The following ATXN1 variants were observed in gnomAD, a reference collection of about 807,000 sequenced individuals.
ATXN1 encodes the protein ataxin-1.
A neutral mutation model predicts 56.4 loss-of-function variants in ATXN1; 8 were observed. The observed-to-expected ratio is 0.14, with a 90% CI of 0.08 to 0.26. The LOEUF is 0.26. ATXN1 is among the 10% of genes least tolerant of loss of function. ATXN1 has a pLI of 1.00. For missense variants in ATXN1, 987 were observed against 1,106.5 expected (o/e 0.89, Z 1.53); for synonymous variants, 514 against 494.6 (o/e 1.04, Z -0.52).
intron 1 of ATXN1, among the ~76,000 whole-genome samples, chr6:16,756,625 C>T (rs1478193254): frequency 6.6e-6 from 1 of 152,164 alleles, no homozygotes; most frequent in Admixed American, 6.5e-5. Context: ...TATTGAATTA[C>T]TCTGAAAATA....
In ATXN1 at chr6:16,347,244, C is replaced by T. The variant is rs190205138; in HGVS notation, c.-160-18774G>A. On this transcript the variant is annotated intron_variant, in intron 6 of 7. Coordinates refer to ENST00000436367, the MANE Select transcript of ATXN1 (RefSeq NM_001128164.2). ...AGTGCGGGCGCACGGCACTGGCAGG[C>T]AGCTCCACCTACTGCCTCTGTGAAG... Among the ~76,000 whole-genome samples the T allele has an allele frequency of 1.3e-3, 203 of 152,284 alleles. 1 individual carries two copies. The highest frequency in any genetic ancestry group is 4.7e-3 in the African/African-American group (195 of 41,566).
intron 4 of ATXN1, among the ~76,000 whole-genome samples, chr6:16,562,013 A>T (rs576171998): frequency 2.6e-5 from 4 of 152,348 alleles, no homozygotes; most frequent in Admixed American, 2.0e-4. Context: ...AAAAGAAGGA[A>T]GACATAAAGA....
chr6:16,534,322 C>T lies in ATXN1; in HGVS notation c.-360-11634G>A, dbSNP rs138537524. On this transcript the variant is annotated intron_variant, in intron 4 of 7. Transcript: ENST00000436367. The stretch of plus-strand genomic sequence containing the variant: ...TCAGGGGCACACATCTCTACTGTAA[C>T]CATTTTTTGACAGTTTTGTTAGAGA... Among the ~76,000 whole-genome samples, 466 of 151,766 alleles carry T rather than the reference C, an allele frequency of 3.1e-3. 1 individual carries two copies. The highest frequency in any genetic ancestry group is 0.011 in the African/African-American group (454 of 41,338).
intron 6 of ATXN1, among the ~76,000 whole-genome samples, chr6:16,458,101 T>A (rs1759915956): frequency 6.6e-6 from 1 of 152,230 alleles, no homozygotes; most frequent in Non-Finnish European, 1.5e-5. Flanking sequence ...CAGCTTTAGC[T>A]GCAGCCCGAG....
At chr6:16,458,434 A>G (rs1759923976) in intron 6 of ATXN1, among the ~76,000 whole-genome samples, 1 of 152,200 alleles carries the variant, frequency 6.6e-6, no homozygotes, top group African/African-American at 2.4e-5. Context: ...TCGAGGGTCA[A>G]TTGATCCTAA....
chr6:16,535,591 A>G (rs1338064519), intron 4 of ATXN1, among the ~76,000 whole-genome samples: 1 of 152,252 alleles, frequency 6.6e-6, no homozygotes, highest in African/African-American at 2.4e-5. Context: ...TAAAAGAGGA[A>G]GAAAACACGC....
chr6:16,504,993 C>CTTTTTTTTTTTT (rs34197922), intron 5 of ATXN1, among the ~76,000 whole-genome samples: 1 of 135,318 alleles, frequency 7.4e-6, no homozygotes, highest in African/African-American at 2.9e-5. Context: ...CTCCTGTTTC[C>CTTTTTTTTTTTT]TTTTTTTTTT....
chr6:16,402,610 G>C (rs1235866620), intron 6 of ATXN1, among the ~76,000 whole-genome samples: 2 of 152,164 alleles, frequency 1.3e-5, no homozygotes, highest in Admixed American at 1.3e-4. Flanking sequence ...GCAAGGCTTA[G>C]CTGGAACAAA....
At chr6:16,361,397 A>C (rs1761805948) in intron 6 of ATXN1, among the ~76,000 whole-genome samples, 1 of 152,242 alleles carries the variant, frequency 6.6e-6, no homozygotes, top group African/African-American at 2.4e-5. Flanking sequence ...TACAGCATTC[A>C]GATCTCTTTA....
rs1047180606 is a variant in ATXN1, at chr6:16,657,804, C to T, written c.-517G>A. 6 of 152,114 alleles carry T rather than the reference C, an allele frequency of 3.9e-5. No individual in the cohort carries two copies. The highest frequency in any genetic ancestry group is 1.4e-4 in the African/African-American group (6 of 41,416). 9.4% of individuals were successfully genotyped at this position (152,114 alleles called of 1,614,324 possible). A position where few individuals can be genotyped will look rare whatever the true frequency, so the allele number is the denominator to read the frequency against. ...AAACCATTTGTGTTTCAAGACCATC[C>T]GTGCAGGCTGAAATCCACTCTTTCT... On this transcript the variant is annotated 5_prime_UTR_variant, in exon 3 of 8. Transcript: ENST00000436367.
intron 6 of ATXN1, among the ~76,000 whole-genome samples, chr6:16,397,275 T>G (rs1758476944): frequency 6.7e-6 from 1 of 149,226 alleles, no homozygotes; most frequent in Non-Finnish European, 1.5e-5. Flanking sequence ...TGTTTTTTTG[T>G]TTTTTGTTTT....
At chr6:16,546,390 A>G in intron 4 of ATXN1, among the ~76,000 whole-genome samples, 1 of 152,208 alleles carries the variant, frequency 6.6e-6, no homozygotes, top group East Asian at 1.9e-4. Context: ...GTGATGAGGC[A>G]GGGCTGGAGC....
At chr6:16,554,280 G>T (rs1343508675) in intron 4 of ATXN1, among the ~76,000 whole-genome samples, 1 of 152,128 alleles carries the variant, frequency 6.6e-6, no homozygotes. Context: ...CCATCAAGAG[G>T]TTTTCCCTAA....
intron 6 of ATXN1, among the ~76,000 whole-genome samples, chr6:16,454,045 G>A (rs745853378): frequency 2.3e-4 from 33 of 142,762 alleles, no homozygotes; most frequent in African/African-American, 6.7e-4. Flanking sequence ...TCAGACAATC[G>A]CTTGAACCCA....
chr6:16,629,566 T>C (rs1168648875), intron 3 of ATXN1, among the ~76,000 whole-genome samples: 4 of 152,158 alleles, frequency 2.6e-5, no homozygotes, highest in Non-Finnish European at 4.4e-5. Flanking sequence ...CCTGACTTTG[T>C]GATCTGCCCA....
Position 16,619,744 on chromosome 6 carries a change from T to A in ATXN1, c.-488-33837A>T, listed in dbSNP as rs377584684. Among the ~76,000 whole-genome samples the A allele has an allele frequency of 5.6e-4, 85 of 152,186 alleles. 1 individual carries two copies. In the East Asian group the frequency reaches 0.014, roughly 25 times the overall value. ...ATGCCCTGGAGTCAGACTGCTTGGA[T>A]TCAAATCATAGCTCTATAGCCATGC... On this transcript the variant is annotated intron_variant, in intron 3 of 7. Transcript: ENST00000436367.
intron 4 of ATXN1, among the ~76,000 whole-genome samples, chr6:16,559,903 G>A (rs1355289417): frequency 6.6e-6 from 1 of 151,924 alleles, no homozygotes; most frequent in East Asian, 1.9e-4. Flanking sequence ...GACTGCCCAG[G>A]AAACTGATTT....
chr6:16,465,050 A>G (rs773152765), intron 6 of ATXN1, among the ~76,000 whole-genome samples: 9 of 152,208 alleles, frequency 5.9e-5, no homozygotes, highest in Admixed American at 2.0e-4. Context: ...AAACTGTTCT[A>G]TAAAAAAGCC....
intron 3 of ATXN1, among the ~76,000 whole-genome samples, 198 bp from the exon 4 acceptor site, chr6:16,586,105 G>A (rs1196643485): frequency 6.6e-6 from 1 of 151,844 alleles, no homozygotes; most frequent in Non-Finnish European, 1.5e-5. Flanking sequence ...TCAGCAGGCA[G>A]AGACACAGCA....
Sources: gnomAD v4.1 joint callset for allele counts (sites outside exome capture counted in the v4.1 genomes callset) on GRCh38, gnomAD v4.1.1 for gene constraint, MANE v1.5 for transcripts, NCBI Gene and HGNC (gene_info 2026-07-23, HGNC 2026-07-21) for gene names.